POLA1: variants seen among roughly 807,000 people sequenced by gnomAD.
POLA1 encodes the protein DNA polymerase alpha catalytic subunit.
In POLA1, 15 loss-of-function variants were observed where a neutral mutation model predicts 124.0. That is an observed-to-expected ratio of 0.12 (90% CI 0.08 to 0.19). POLA1 has a LOEUF of 0.19. POLA1 is among the 10% of genes least tolerant of loss of function. The pLI is 1.00. For missense variants in POLA1, 886 were observed against 1,103.4 expected, an observed-to-expected ratio of 0.80 and a Z score of 2.79; for synonymous variants, 408 against 389.4, an observed-to-expected ratio of 1.05 and a Z score of -0.56.
chrX:24,844,839 A>G (rs2046455994), intron 34 of POLA1, among the ~76,000 whole-genome samples: 1 of 111,950 alleles, frequency 8.9e-6, no homozygotes, highest in Non-Finnish European at 1.9e-5. Context: ...ATTCCTCAGT[A>G]GGTGAGATGT....
chrX:24,735,947 G>A (rs1257521463), intron 18 of POLA1, among the ~76,000 whole-genome samples: 2 of 110,898 alleles, frequency 1.8e-5, no homozygotes, highest in Non-Finnish European at 3.8e-5. Context: ...TTCTCTTGAC[G>A]ATCCAGTATA....
chrX:24,781,674 A>G (rs889797541), intron 26 of POLA1, among the ~76,000 whole-genome samples: 6 of 111,704 alleles, frequency 5.4e-5, no homozygotes, highest in African/African-American at 1.6e-4. Flanking sequence ...AGTACTGAAT[A>G]TGTTAAGCTT....
intron 4 of POLA1, among the ~76,000 whole-genome samples, chrX:24,709,202 C>T (rs1382086500): frequency 3.9e-5 from 4 of 101,735 alleles, no homozygotes. Flanking sequence ...GGCTGACCCC[C>T]CCACCTCCCT....
chrX:24,843,465 G>T, intron 33 of POLA1, 81 bp from the exon 34 acceptor site: 1 of 645,041 alleles, frequency 1.6e-6, no homozygotes, highest in Non-Finnish European at 2.3e-6. Context: ...TCAACACTAG[G>T]ACAGCATGTA....
intron 34 of POLA1, among the ~76,000 whole-genome samples, chrX:24,871,044 G>A (rs1307403682): frequency 9.0e-6 from 1 of 111,421 alleles, no homozygotes; most frequent in East Asian, 2.8e-4. Flanking sequence ...TTTGAGAGGG[G>A]CAGCATAATG....
intron 26 of POLA1, among the ~76,000 whole-genome samples, chrX:24,806,666 A>G (rs1027602186): frequency 1.8e-5 from 2 of 111,704 alleles, no homozygotes; most frequent in African/African-American, 6.5e-5. Context: ...ATAGAGAGCT[A>G]TTGGGTTATA....
Position 24,696,630 on chromosome X carries a change from C to A in POLA1, c.43+2626C>A, listed in dbSNP as rs186839304. Reference sequence around the variant, plus strand: ...AACCTTTTCAGCTTCTGTAATGGGGCATAGGCTCTGCGTCTCATCAAGACT... The same window carrying A: ...AACCTTTTCAGCTTCTGTAATGGGGAATAGGCTCTGCGTCTCATCAAGACT... On this transcript the variant is annotated intron_variant, in intron 1 of 36. Transcript: ENST00000379068. Among the ~76,000 whole-genome samples, 281 of 111,546 alleles carry A rather than the reference C, an allele frequency of 2.5e-3. 7 individuals are homozygous for A. The highest frequency in any genetic ancestry group is 2.7e-3 in the Non-Finnish European group (146 of 53,118).
intron 30 of POLA1, among the ~76,000 whole-genome samples, chrX:24,816,508 C>T (rs193065873): frequency 1.8e-5 from 2 of 112,321 alleles, no homozygotes; most frequent in African/African-American, 6.4e-5. Context: ...ACTGGCTCTC[C>T]ACTTTAAGTG....
intron 36 of POLA1, 101 bp from the exon 37 acceptor site, chrX:24,995,704 T>G: frequency 1.4e-6 from 1 of 721,632 alleles, no homozygotes; most frequent in Non-Finnish European, 2.1e-6. Context: ...GATAAGATGG[T>G]GGAGATACAA....
At chrX:24,736,247 C>T (rs905579092) in intron 18 of POLA1, among the ~76,000 whole-genome samples, 8 of 111,862 alleles carry the variant, frequency 7.2e-5, no homozygotes, top group African/African-American at 2.3e-4. Context: ...TTCATTTTTA[C>T]TCTTGGATAC....
At chrX:24,911,384 A>G (rs1274828605) in intron 35 of POLA1, among the ~76,000 whole-genome samples, 1 of 111,571 alleles carries the variant, frequency 9.0e-6, no homozygotes, top group Non-Finnish European at 1.9e-5. Context: ...TAAGTATTAA[A>G]TAATCAGGCT....
chrX:24,726,090 T>A (rs756582236), intron 13 of POLA1, 35 bp downstream of exon 13: 1 of 892,537 alleles, frequency 1.1e-6, no homozygotes, highest in African/African-American at 2.0e-5. Flanking sequence ...GGGTTTTGCT[T>A]GAGAATGACA....
intron 2 of POLA1, among the ~76,000 whole-genome samples, chrX:24,700,987 A>G (rs1928377194): frequency 1.8e-5 from 2 of 111,620 alleles, no homozygotes; most frequent in East Asian, 5.6e-4. Flanking sequence ...ATGACTTTTT[A>G]CTCAAAATGA....
At chrX:24,827,222 C>T (rs892289055) in intron 32 of POLA1, among the ~76,000 whole-genome samples, 1 of 111,899 alleles carries the variant, frequency 8.9e-6, no homozygotes, top group African/African-American at 3.2e-5. Flanking sequence ...AGATTGTCTC[C>T]GTTGCTGTGT....
At chrX:24,995,679 C>T (rs2048597498) in intron 36 of POLA1, 126 bp from the exon 37 acceptor site, 1 of 596,973 alleles carries the variant, frequency 1.7e-6, no homozygotes, top group Admixed American at 3.2e-5. Context: ...TGACTGGCCC[C>T]AGGGGTAGAC....
rs925473179 is a variant in POLA1, at chrX:24,996,104, A to G, written c.*154A>G. On this transcript the variant is annotated 3_prime_UTR_variant, in exon 37 of 37. Coordinates refer to ENST00000379068, the MANE Select transcript of POLA1 (RefSeq NM_001330360.2). ...ATGTAGACCAGGAAAGGGGGCTGCA[A>G]AAATGTTGAGTCTAATGTTCGTAAG... 8 of 467,635 alleles carry G rather than the reference A, an allele frequency of 1.7e-5. No individual in the cohort carries two copies. In the African/African-American group the frequency reaches 1.7e-4, roughly 10 times the overall value. The allele number at this position is 467,635 out of a possible 1,213,427, so 38.5% of individuals were successfully genotyped here. A position where few individuals can be genotyped will look rare whatever the true frequency, so the allele number is the denominator to read the frequency against.
intron 19 of POLA1, among the ~76,000 whole-genome samples, chrX:24,738,081 C>T (rs1402580215): frequency 1.9e-5 from 2 of 104,309 alleles, no homozygotes; most frequent in East Asian, 2.9e-4. Context: ...GGCGCGGTGG[C>T]GGGCGCCTGT....
chrX:24,799,526 G>C (rs994292173), intron 26 of POLA1, among the ~76,000 whole-genome samples: 1 of 112,338 alleles, frequency 8.9e-6, no homozygotes. Context: ...CATTATCTGA[G>C]CATAGCCAGC....
intron 35 of POLA1, among the ~76,000 whole-genome samples, chrX:24,925,492 A>G (rs1318808311): frequency 8.9e-6 from 1 of 112,097 alleles, no homozygotes; most frequent in East Asian, 2.8e-4. Context: ...GAGAGAAAAG[A>G]CTGGTTATGT....
Sources: allele counts gnomAD v4.1 joint callset (sites outside exome capture counted in the v4.1 genomes callset), GRCh38; gene constraint gnomAD v4.1.1; transcripts MANE v1.5; gene names NCBI Gene and HGNC (gene_info 2026-07-23, HGNC 2026-07-21).